SIK3: variants seen among roughly 807,000 people sequenced by gnomAD.
SIK3 encodes SIK family kinase 3.
SIK3 carries 28 observed loss-of-function variants against 144.2 expected under a neutral mutation model. The ratio of observed to expected loss-of-function variants is 0.19; its 90% CI spans 0.14 to 0.27. The LOEUF is 0.27. SIK3 is among the 10% of genes least tolerant of loss of function. The probability of loss-of-function intolerance (pLI) is 1.00; values close to 1 mark genes in which losing one functional copy is unlikely to be tolerated. For synonymous variants in SIK3, 686 were observed against 676.3 expected, an observed-to-expected ratio of 1.01 and a Z score of -0.22; for missense variants, 1,319 against 1,776.0, an observed-to-expected ratio of 0.74 and a Z score of 4.62.
Position 116,957,066 on chromosome 11 carries a change from TGAC to T in SIK3, c.274-5_274-3del, listed in dbSNP as rs371017069. The T allele has an allele frequency of 3.7e-5, 59 of 1,574,928 alleles. No individual in the cohort carries two copies. The Middle Eastern group carries it at 8.5e-4, about 23-fold the overall frequency. On this transcript the variant is annotated splice_region_variant and splice_polypyrimidine_tract_variant and intron_variant, in intron 1 of 24. Coordinates refer to ENST00000445177, the MANE Select transcript of SIK3 (RefSeq NM_001366686.3). The stretch of plus-strand genomic sequence containing the variant: ...CTTATCTATGATCTTGATAGCAACC[TGAC>T]AACAGAGGGAAAAAAATTACTCTGA...
At chr11:117,031,461 C>T (rs1952254511) in intron 1 of SIK3, among the ~76,000 whole-genome samples, 1 of 150,042 alleles carries the variant, frequency 6.7e-6, no homozygotes, top group Admixed American at 6.6e-5. Flanking sequence ...GCATCTTTAT[C>T]AAAAATCAGT....
chr11:116,994,123 C>T (rs1177731795), intron 1 of SIK3, among the ~76,000 whole-genome samples: 1 of 152,192 alleles, frequency 6.6e-6, no homozygotes, highest in East Asian at 1.9e-4. Flanking sequence ...TAGCTAGCCT[C>T]CCTTCTCCAG....
intron 1 of SIK3, among the ~76,000 whole-genome samples, chr11:116,987,703 C>T (rs1373594650): frequency 6.6e-6 from 1 of 152,106 alleles, no homozygotes. Flanking sequence ...ATAAAACTAG[C>T]ACAGCAACAA....
chr11:116,982,827 C>T (rs1481727640), intron 1 of SIK3, among the ~76,000 whole-genome samples: 1 of 151,262 alleles, frequency 6.6e-6, no homozygotes, highest in Non-Finnish European at 1.5e-5. Context: ...ACCTGTAGTC[C>T]CAGTTACTCA....
At chr11:116,919,810 C>T (rs192391843) in intron 4 of SIK3, among the ~76,000 whole-genome samples, 1 of 152,282 alleles carries the variant, frequency 6.6e-6, no homozygotes, top group African/African-American at 2.4e-5. Context: ...ACATATCTTT[C>T]AAAATTCCCT....
intron 4 of SIK3, among the ~76,000 whole-genome samples, chr11:116,918,939 A>T (rs1339006934): frequency 6.6e-6 from 1 of 152,188 alleles, no homozygotes; most frequent in Non-Finnish European, 1.5e-5. Context: ...TAATGGTCAT[A>T]TGCCATTTCA....
intron 6 of SIK3, among the ~76,000 whole-genome samples, chr11:116,891,916 G>A (rs1207006770): frequency 6.6e-6 from 1 of 152,202 alleles, no homozygotes; most frequent in Non-Finnish European, 1.5e-5. Context: ...CTGATCAGCT[G>A]TGGCACTGGT....
chr11:116,958,179 C>CATAT (rs773037913), intron 1 of SIK3, among the ~76,000 whole-genome samples: 13 of 152,132 alleles, frequency 8.5e-5, no homozygotes, highest in Non-Finnish European at 1.5e-4. Context: ...GTAAAGGGAA[C>CATAT]ATATACAGTA....
rs780845610 is a variant in SIK3, at chr11:116,849,189, G to A, written c.3750C>T (p.Ser1250=). 2.5e-5 allele frequency: 41 copies of A among 1,613,940 alleles called. No individual in the cohort carries two copies. Among genetic ancestry groups the A allele is most frequent in the Non-Finnish European group, 3.1e-5 (37 of 1,179,960 alleles). Residue 1250 remains serine (S), a synonymous_variant, in exon 22 of 25, where the codon TCC becomes TCT. Transcript: ENST00000445177. This position sits in a 1 kb window ranked among gnomAD's most constrained non-coding sequence, Gnocchi z 4.2. ...HNGLGYPARP[S]VHEHHRPRAL... ...CCCGGGGCCTGTGGTGCTCATGGAC[G>A]GAGGGGCGTGCTGGGTACCCGAGCC... is the stretch of plus-strand genomic sequence containing the variant.
At chr11:117,086,838 T>C (rs966809464) in intron 1 of SIK3, among the ~76,000 whole-genome samples, 1 of 150,484 alleles carries the variant, frequency 6.6e-6, no homozygotes, top group African/African-American at 2.5e-5. Flanking sequence ...CTACTAAAAA[T>C]ACAAAAATTA....
chr11:116,899,005 G>A (rs1591268709), intron 4 of SIK3, among the ~76,000 whole-genome samples: 1 of 149,746 alleles, frequency 6.7e-6, no homozygotes, highest in African/African-American at 2.4e-5. Flanking sequence ...TTTGGCTTTT[G>A]TTGCCATTGC....
intron 1 of SIK3, among the ~76,000 whole-genome samples, chr11:117,070,609 C>G (rs1049181469): frequency 2.0e-5 from 3 of 151,914 alleles, no homozygotes; most frequent in Non-Finnish European, 4.4e-5. Context: ...ATCACACGAG[C>G]TAATTTTTGT....
chr11:116,970,847 C>G (rs140206622), intron 1 of SIK3, among the ~76,000 whole-genome samples: 27 of 152,030 alleles, frequency 1.8e-4, no homozygotes, highest in Non-Finnish European at 3.8e-4. Flanking sequence ...GGGTCTTGCT[C>G]TTTTGCCCAA....
At chr11:116,944,196 A>C (rs1256446651) in intron 3 of SIK3, among the ~76,000 whole-genome samples, 1 of 152,168 alleles carries the variant, frequency 6.6e-6, no homozygotes, top group Non-Finnish European at 1.5e-5. Flanking sequence ...ACTTGGCCTT[A>C]CCCAAAGAGA....
At chr11:116,945,053 G>A (rs649084) in intron 3 of SIK3, among the ~76,000 whole-genome samples, 8,174 of 151,680 alleles carry the variant, frequency 0.054, 459 homozygotes, top group African/African-American at 0.14. Context: ...TCCGCCTCCC[G>A]GGTTCACAAC....
At chr11:116,975,244 T>A (rs560265490) in intron 1 of SIK3, among the ~76,000 whole-genome samples, 11 of 134,736 alleles carry the variant, frequency 8.2e-5, no homozygotes, top group African/African-American at 3.6e-4. Context: ...CAATTTAAAG[T>A]GTAAAATTCA....
chr11:116,885,593 G>A (rs1944770802), intron 6 of SIK3, among the ~76,000 whole-genome samples: 1 of 152,126 alleles, frequency 6.6e-6, no homozygotes, highest in Admixed American at 6.5e-5. Context: ...AGTCATTACA[G>A]TTTAAGAAAA....
chr11:116,855,077 C>T (rs1942773841), intron 21 of SIK3, among the ~76,000 whole-genome samples: 1 of 76,914 alleles, frequency 1.3e-5, no homozygotes, highest in Admixed American at 1.4e-4. Context: ...CAGTGTGAGA[C>T]TCTGCCAAAA....
chr11:116,951,292 G>C (rs758912989), intron 3 of SIK3, among the ~76,000 whole-genome samples: 2 of 152,062 alleles, frequency 1.3e-5, no homozygotes, highest in Non-Finnish European at 2.9e-5. Flanking sequence ...AAAAATCAGA[G>C]CTCATGAGAC....
Sources: gnomAD v4.1 joint callset for allele counts (sites outside exome capture counted in the v4.1 genomes callset) on GRCh38, gnomAD v4.1.1 for gene constraint, Gnocchi (gnomAD v3.1) non-coding constraint, MANE v1.5 for transcripts, NCBI Gene and HGNC (gene_info 2026-07-23, HGNC 2026-07-21) for gene names.